The following WASHC2A variants were observed in gnomAD, a reference collection of about 807,000 sequenced individuals.
WASHC2A encodes the protein WASH complex subunit FAM21A.
Under a neutral mutation model 140.3 loss-of-function variants are expected in WASHC2A, and 82 were observed. The ratio of observed to expected loss-of-function variants is 0.58; its 90% CI spans 0.49 to 0.70. The LOEUF is 0.70. Ranked by LOEUF, WASHC2A falls within the 30% of genes least tolerant of loss-of-function variation. The pLI is 0.00. For missense variants in WASHC2A, 985 were observed against 1,521.8 expected, an observed-to-expected ratio of 0.65 and a Z score of 5.87; for synonymous variants, 340 against 560.8, an observed-to-expected ratio of 0.61 and a Z score of 5.56.
intron 2 of WASHC2A, among the ~76,000 whole-genome samples, chr10:50,068,513 G>A (rs1554875066): frequency 6.6e-6 from 1 of 151,520 alleles, no homozygotes. Context: ...GGATTGCTCG[G>A]GCACTAGGGA....
At chr10:50,084,200 C>T in intron 6 of WASHC2A, 35 bp downstream of exon 6, 1 of 1,607,924 alleles carries the variant, frequency 6.2e-7, no homozygotes, top group Non-Finnish European at 8.5e-7. Context: ...TGTTCCTTAA[C>T]ATTTCTTTTT....
chr10:50,106,708 G>T (rs530194703), intron 19 of WASHC2A, among the ~76,000 whole-genome samples: 43 of 137,714 alleles, frequency 3.1e-4, no homozygotes, highest in African/African-American at 9.9e-4. Flanking sequence ...TCCTTCAAAT[G>T]AGTTAGGCCG....
chr10:50,095,747 C>T lies in WASHC2A; in HGVS notation c.1389C>T (p.Phe463=). The change falls in exon 15 of 31, where the codon TTC becomes TTT. Residue 463 remains phenylalanine, a synonymous_variant. Transcript: ENST00000282633. ...ATGGTGATGATGATGACGACTTTTTCTCGGCACCCCACAGCAAACCTTCTA... is the reference window on the plus strand; with the variant it reads ...ATGGTGATGATGATGACGACTTTTTTTCGGCACCCCACAGCAAACCTTCTA... The part of the protein sequence containing the change: ...DDDGDDDDDF[F]SAPHSKPSKT... The T allele has an allele frequency of 6.2e-7, 1 of 1,610,928 alleles. No homozygotes were observed. Among genetic ancestry groups the T allele is most frequent in the Non-Finnish European group, 8.5e-7 (1 of 1,179,386 alleles).
intron 25 of WASHC2A, among the ~76,000 whole-genome samples, chr10:50,125,787 G>A (rs1366142112): frequency 1.3e-5 from 2 of 152,184 alleles, no homozygotes; most frequent in Non-Finnish European, 2.9e-5. Context: ...AAAGTTTTGA[G>A]TCTGAGTTTT....
chr10:50,132,177 T>C (rs1844032619), intron 30 of WASHC2A, among the ~76,000 whole-genome samples: 1 of 152,278 alleles, frequency 6.6e-6, no homozygotes, highest in African/African-American at 2.4e-5. Flanking sequence ...TGTTTCTGTT[T>C]TCTTTATTAC....
intron 26 of WASHC2A, among the ~76,000 whole-genome samples, chr10:50,126,907 G>GTAAGTTTACAA: frequency 6.6e-6 from 1 of 151,964 alleles, no homozygotes; most frequent in Non-Finnish European, 1.5e-5. Flanking sequence ...GTGACTCTTG[G>GTAAGTTTACAA]GAATCTTACT....
chr10:50,102,455 C>T lies in WASHC2A; in HGVS notation c.1636-1587C>T, dbSNP rs1189606639. 2.2e-3 allele frequency among the ~76,000 whole-genome samples: 340 copies of T among 152,206 alleles called. 2 individuals carry two copies. Among genetic ancestry groups the T allele is most frequent in the African/African-American group, 7.9e-3 (330 of 41,538 alleles). ...TTTGTTCTTTGCTTTGGTTTACTTT[C>T]ATTTTCTTAGAACAGCAGAACCCTT... On this transcript the variant is annotated intron_variant, in intron 17 of 30. Transcript: ENST00000282633.
chr10:50,133,422 C>T lies in WASHC2A; in HGVS notation c.*477C>T. ...TTTTCACTGAATTCTGAGGGTGCCT[C>T]TGCATGTCCTCCAAGGCAAAGTTTG... is the stretch of plus-strand genomic sequence containing the variant. On this transcript the variant is annotated 3_prime_UTR_variant, in exon 31 of 31. Transcript: ENST00000282633. The T allele has an allele frequency of 2.1e-6, 1 of 471,000 alleles. No homozygotes were observed. Among genetic ancestry groups the T allele is most frequent in the South Asian group, 1.6e-5 (1 of 64,488 alleles). The allele number at this position is 471,000 out of a possible 1,614,324, so 29.2% of individuals were successfully genotyped here. A position where few individuals can be genotyped will look rare whatever the true frequency, so the allele number is the denominator to read the frequency against.
chr10:50,075,593 C>T (rs1838240214), intron 3 of WASHC2A, among the ~76,000 whole-genome samples: 2 of 150,118 alleles, frequency 1.3e-5, no homozygotes, highest in South Asian at 4.2e-4. Context: ...ATTCTTTTTA[C>T]CTAGAGAGGG....
intron 30 of WASHC2A, among the ~76,000 whole-genome samples, chr10:50,132,476 T>C (rs1293579678): frequency 1.1e-3 from 172 of 152,376 alleles, no homozygotes; most frequent in African/African-American, 3.9e-3. Context: ...ATGAAAAGAA[T>C]ATCTAAATAA....
Position 50,110,283 on chromosome 10 carries a change from T to C in WASHC2A, c.2039+13T>C, listed in dbSNP as rs1268203158. ...TTGCCAAGGACAGGTGAGATAGTCA[T>C]TGGAAGGAGTCCCTCACTCCGTTAC... is the stretch of plus-strand genomic sequence containing the variant. On this transcript the variant is annotated intron_variant, in intron 20 of 30. Coordinates refer to ENST00000282633, the MANE Select transcript of WASHC2A (RefSeq NM_001005751.3). 4.3e-6 allele frequency: 7 copies of C among 1,611,450 alleles called. No individual in the cohort carries two copies. The East Asian group carries it at 1.1e-4, about 26-fold the overall frequency.
intron 17 of WASHC2A, among the ~76,000 whole-genome samples, chr10:50,102,531 C>A (rs1166296719): frequency 3.3e-5 from 5 of 152,018 alleles, no homozygotes; most frequent in Non-Finnish European, 5.9e-5. Context: ...CCTGGAATTC[C>A]CCTTGTGGCC....
At chr10:50,072,174 T>A (rs1837895434) in intron 3 of WASHC2A, among the ~76,000 whole-genome samples, 3 of 146,878 alleles carry the variant, frequency 2.0e-5, no homozygotes, top group African/African-American at 7.6e-5. Context: ...AACCTCCGCC[T>A]CCCGGGTTCA....
At position 50,095,782 on chromosome 10, in the gene WASHC2A, T is replaced by C. The variant is rs2132626255; in HGVS notation, c.1420+4T>C. ...CACAGCAAACCTTCTAAAACAGGTA[T>C]GTGTTCCTGCCTCCGTTTCTAGGAC... is the stretch of plus-strand genomic sequence containing the variant. On this transcript the variant is annotated splice_donor_region_variant and intron_variant, in intron 15 of 30. Transcript: ENST00000282633. 4 of 1,604,110 alleles carry C rather than the reference T, an allele frequency of 2.5e-6. No individual in the cohort carries two copies. The highest frequency in any genetic ancestry group is 1.7e-5 in the Admixed American group (1 of 58,444).
At chr10:50,128,219 C>T (rs1015621713) in intron 28 of WASHC2A, among the ~76,000 whole-genome samples, 4 of 151,854 alleles carry the variant, frequency 2.6e-5, no homozygotes, top group African/African-American at 9.7e-5. Context: ...GCAGCTTCCT[C>T]ACTAGTCACT....
chr10:50,106,362 A>C lies in WASHC2A; in HGVS notation c.1766A>C (p.Lys589Thr), dbSNP rs782470854. Reference sequence around the variant, plus strand: ...AATCTTTTTGGGGGTACAGCTGCTAAGAAGCAGACATTGTGTCTACAAGCT... The same window carrying C: ...AATCTTTTTGGGGGTACAGCTGCTACGAAGCAGACATTGTGTCTACAAGCT... ...EDNLFGGTAA[K>T]KQTLCLQAQR... The change falls in exon 19 of 31, where the codon AAG (lysine) becomes ACG (threonine). Residue 589 changes from lysine (K) to threonine (T), a missense_variant. By Grantham distance (78) the Lys-to-Thr change is moderately conservative. Transcript: ENST00000282633. 10 of 1,611,792 alleles carry C rather than the reference A, an allele frequency of 6.2e-6. No homozygotes were observed. The highest frequency in any genetic ancestry group is 2.2e-5 in the East Asian group (1 of 44,852).
intron 21 of WASHC2A, among the ~76,000 whole-genome samples, chr10:50,114,649 G>A (rs1372224001): frequency 1.2e-5 from 1 of 86,230 alleles, no homozygotes; most frequent in African/African-American, 4.6e-5. Context: ...TGTTACCAGT[G>A]ATTATGTCCA....
At chr10:50,124,421 T>C (rs564656996) in intron 23 of WASHC2A, among the ~76,000 whole-genome samples, 25 of 152,028 alleles carry the variant, frequency 1.6e-4, no homozygotes, top group Non-Finnish European at 3.4e-4. Context: ...TAAGTTTTAA[T>C]CTGTGGCTGT....
At chr10:50,087,628 T>C (rs1182672575) in intron 8 of WASHC2A, among the ~76,000 whole-genome samples, 2 of 152,036 alleles carry the variant, frequency 1.3e-5, no homozygotes, top group Non-Finnish European at 2.9e-5. Context: ...TGAGTCCCTC[T>C]TCTGTTTTAA....
Sources: gnomAD v4.1 joint callset for allele counts (sites outside exome capture counted in the v4.1 genomes callset) on GRCh38, gnomAD v4.1.1 for gene constraint, MANE v1.5 for transcripts, NCBI Gene and HGNC (gene_info 2026-07-23, HGNC 2026-07-21) for gene names.